GABRA3: variants seen among roughly 807,000 people sequenced by gnomAD.
The protein encoded by GABRA3 is gamma-aminobutyric acid type A receptor subunit alpha3.
In GABRA3, 10 loss-of-function variants were observed where a neutral mutation model predicts 30.1. The ratio of observed to expected loss-of-function variants is 0.33; its 90% CI spans 0.20 to 0.56. The LOEUF (loss-of-function observed/expected upper bound fraction) is 0.56. Among genes scored for constraint, GABRA3 ranks in the 20% least tolerant of loss-of-function variants. GABRA3 has a pLI of 0.89. For synonymous variants in GABRA3, 151 were observed against 146.8 expected (o/e 1.03, Z -0.21); for missense variants, 233 against 392.0 (o/e 0.59, Z 3.42).
intron 6 of GABRA3, 98 bp downstream of exon 6, chrX:152,224,665 G>T: frequency 1.6e-6 from 1 of 614,346 alleles, no homozygotes; most frequent in Non-Finnish European, 2.5e-6. Flanking sequence ...AAAGGCCTCA[G>T]CTTTAGAAAC....
intron 4 of GABRA3, among the ~76,000 whole-genome samples, chrX:152,270,854 T>TA (rs199523064): frequency 8.5e-4 from 82 of 96,161 alleles, no homozygotes; most frequent in Middle Eastern, 0.011. Context: ...GATTCCAACT[T>TA]AAAAAAAAAA....
At chrX:152,217,578 T>C (rs910957127) in intron 6 of GABRA3, among the ~76,000 whole-genome samples, 1 of 111,606 alleles carries the variant, frequency 9.0e-6, no homozygotes, top group Non-Finnish European at 1.9e-5. Flanking sequence ...TACAATTCAA[T>C]GGTGAAGCCT....
At chrX:152,218,896 G>A (rs1937777759) in intron 6 of GABRA3, among the ~76,000 whole-genome samples, 1 of 111,180 alleles carries the variant, frequency 9.0e-6, no homozygotes, top group Non-Finnish European at 1.9e-5. Context: ...TTTTATGGAG[G>A]AGTGGATTTT....
At chrX:152,176,547 A>G (rs1169740716) in intron 9 of GABRA3, among the ~76,000 whole-genome samples, 2 of 111,290 alleles carry the variant, frequency 1.8e-5, no homozygotes, top group Non-Finnish European at 3.8e-5. Flanking sequence ...AGAAAAATAA[A>G]AGAATTAAGA....
intron 5 of GABRA3, among the ~76,000 whole-genome samples, chrX:152,231,468 T>C (rs936332258): frequency 9.0e-6 from 1 of 110,756 alleles, no homozygotes; most frequent in Non-Finnish European, 1.9e-5. Flanking sequence ...GAGATACTAC[T>C]ACATGCACAC....
chrX:152,449,170 C>T (rs769620932), intron 1 of GABRA3, among the ~76,000 whole-genome samples: 1 of 111,971 alleles, frequency 8.9e-6, no homozygotes, highest in East Asian at 2.8e-4. Context: ...TCCAGATAGT[C>T]CCAAAGAACC....
intron 5 of GABRA3, among the ~76,000 whole-genome samples, chrX:152,230,125 T>C (rs1938039511): frequency 8.9e-6 from 1 of 111,772 alleles, no homozygotes; most frequent in Admixed American, 9.6e-5. Context: ...ATGGAGTTTC[T>C]TTTTTGAGGT....
intron 3 of GABRA3, among the ~76,000 whole-genome samples, chrX:152,287,233 C>A (rs1233898812): frequency 8.9e-6 from 1 of 111,738 alleles, no homozygotes; most frequent in Non-Finnish European, 1.9e-5. Context: ...CTTCCAACAT[C>A]CTACAGATAA....
At chrX:152,170,295 A>G (rs928877371) in intron 9 of GABRA3, among the ~76,000 whole-genome samples, 2 of 112,483 alleles carry the variant, frequency 1.8e-5, no homozygotes, top group Non-Finnish European at 3.8e-5. Context: ...GGCAAAGGCC[A>G]GTACACAGGC....
intron 1 of GABRA3, among the ~76,000 whole-genome samples, chrX:152,449,426 C>T (rs772415450): frequency 2.6e-4 from 29 of 112,021 alleles, no homozygotes; most frequent in Admixed American, 2.2e-3. Context: ...CTAAAATTTT[C>T]GGCACAGAAC....
intron 1 of GABRA3, among the ~76,000 whole-genome samples, chrX:152,417,965 T>G (rs759769626): frequency 1.5e-4 from 16 of 104,407 alleles, no homozygotes; most frequent in African/African-American, 5.2e-4. Flanking sequence ...GCATGGCACA[T>G]GTATACATAT....
chrX:152,430,078 T>G (rs1413164362), intron 1 of GABRA3, among the ~76,000 whole-genome samples: 1 of 112,224 alleles, frequency 8.9e-6, no homozygotes, highest in African/African-American at 3.2e-5. Flanking sequence ...GATTATCATG[T>G]CAAGCTAGTA....
intron 4 of GABRA3, among the ~76,000 whole-genome samples, chrX:152,263,349 C>T (rs1938765237): frequency 9.1e-6 from 1 of 110,445 alleles, no homozygotes; most frequent in Non-Finnish European, 1.9e-5. Context: ...AGAAGGAATT[C>T]AGAATTCTAT....
chrX:152,255,628 T>C (rs1165793754), intron 5 of GABRA3, 150 bp downstream of exon 5: 1 of 472,085 alleles, frequency 2.1e-6, no homozygotes, highest in African/African-American at 2.4e-5. Context: ...TGAGTATGTA[T>C]GCATGCAATT....
intron 5 of GABRA3, among the ~76,000 whole-genome samples, chrX:152,226,749 AG>A (rs1225728096): frequency 1.8e-5 from 2 of 112,247 alleles, no homozygotes; most frequent in African/African-American, 6.5e-5. Flanking sequence ...TCTCAAAAGA[AG>A]ACATTTATGC....
chrX:152,323,761 T>C (rs908402885), intron 3 of GABRA3, among the ~76,000 whole-genome samples: 1 of 112,346 alleles, frequency 8.9e-6, no homozygotes, highest in African/African-American at 3.2e-5. Context: ...GTGTGCTTAA[T>C]ACTGTTTACA....
At chrX:152,193,180 T>G (rs903394394) in intron 8 of GABRA3, among the ~76,000 whole-genome samples, 1 of 111,349 alleles carries the variant, frequency 9.0e-6, no homozygotes, top group Non-Finnish European at 1.9e-5. Flanking sequence ...CCCCAAAGAT[T>G]CCTTTGTGCC....
chrX:152,289,307 C>A (rs1404549227), intron 3 of GABRA3, among the ~76,000 whole-genome samples: 1 of 108,381 alleles, frequency 9.2e-6, no homozygotes, highest in Non-Finnish European at 1.9e-5. Context: ...TAGTGCTACC[C>A]TTTGGATCCA....
chrX:152,319,105 A>G lies in GABRA3; in HGVS notation c.262+26476T>C, dbSNP rs111724368. On this transcript the variant is annotated intron_variant, in intron 3 of 9. Transcript: ENST00000370314. Reference sequence around the variant, plus strand: ...CTGTAAACAAAGAGAAACACAGCCCATGCTTATAGATGGGTAGAATCAATA... The same window carrying G: ...CTGTAAACAAAGAGAAACACAGCCCGTGCTTATAGATGGGTAGAATCAATA... 7.9e-3 allele frequency among the ~76,000 whole-genome samples: 881 copies of G among 112,028 alleles called. 11 individuals are homozygous for G. Among genetic ancestry groups the G allele is most frequent in the African/African-American group, 0.027 (847 of 30,899 alleles).
Sources: allele counts gnomAD v4.1 joint callset (sites outside exome capture counted in the v4.1 genomes callset), GRCh38; gene constraint gnomAD v4.1.1; transcripts MANE v1.5; gene names NCBI Gene and HGNC (gene_info 2026-07-23, HGNC 2026-07-21).